Variants in MYO1E observed in about 807,000 individuals in gnomAD.
MYO1E encodes myosin IE.
In MYO1E, 68 loss-of-function variants were observed where a neutral mutation model predicts 151.1. That is an observed-to-expected ratio of 0.45 (90% CI 0.37 to 0.55). The LOEUF (loss-of-function observed/expected upper bound fraction) is 0.55. Among genes scored for constraint, MYO1E ranks in the 20% least tolerant of loss-of-function variants. The pLI is 0.00. For synonymous variants in MYO1E, 601 were observed against 501.7 expected, an observed-to-expected ratio of 1.20 and a Z score of -2.64; for missense variants, 1,363 against 1,389.3, an observed-to-expected ratio of 0.98 and a Z score of 0.30.
chr15:59,218,539 AT>A (rs2079934155), intron 9 of MYO1E, among the ~76,000 whole-genome samples: 1 of 152,234 alleles, frequency 6.6e-6, no homozygotes, highest in African/African-American at 2.4e-5. Flanking sequence ...AGCACCTGAT[AT>A]TACTGAACTA....
At chr15:59,150,445 G>C (rs1303194607) in intron 26 of MYO1E, among the ~76,000 whole-genome samples, 2 of 152,254 alleles carry the variant, frequency 1.3e-5, no homozygotes, top group African/African-American at 4.8e-5. Flanking sequence ...TGATGTGCAA[G>C]TTTGCAACTT....
chr15:59,173,586 T>C (rs1161755644), intron 21 of MYO1E, among the ~76,000 whole-genome samples, 160 bp downstream of exon 21: 4 of 152,234 alleles, frequency 2.6e-5, no homozygotes, highest in Admixed American at 1.3e-4. Context: ...TGAATGTTTC[T>C]GGGCATAGGT....
chr15:59,233,540 T>C (rs568562143), intron 5 of MYO1E, among the ~76,000 whole-genome samples: 4 of 151,716 alleles, frequency 2.6e-5, no homozygotes, highest in Non-Finnish European at 5.9e-5. Flanking sequence ...GGTGCACGCC[T>C]GTAGTCCCAG....
intron 19 of MYO1E, among the ~76,000 whole-genome samples, chr15:59,174,521 G>C (rs140878029): frequency 6.6e-6 from 1 of 152,228 alleles, no homozygotes; most frequent in East Asian, 1.9e-4. Context: ...CAGTCTCTGT[G>C]AGAATCGAAT....
At chr15:59,360,646 T>C (rs530862053) in intron 1 of MYO1E, among the ~76,000 whole-genome samples, 18 of 152,254 alleles carry the variant, frequency 1.2e-4, no homozygotes, top group African/African-American at 4.3e-4. Flanking sequence ...GCCCTTTTTT[T>C]CCCCCAACAA....
At chr15:59,169,749 A>G (rs150062618) in intron 22 of MYO1E, among the ~76,000 whole-genome samples, 1 of 152,294 alleles carries the variant, frequency 6.6e-6, no homozygotes, top group East Asian at 1.9e-4. Context: ...AAGACAATAA[A>G]CAAACAAAAA....
intron 22 of MYO1E, among the ~76,000 whole-genome samples, chr15:59,163,717 A>C (rs1459661555): frequency 8.5e-5 from 13 of 152,328 alleles, no homozygotes; most frequent in African/African-American, 3.1e-4. Context: ...AATTTATGAT[A>C]TGGTTATAGC....
chr15:59,328,059 G>A (rs2080676307), intron 1 of MYO1E, among the ~76,000 whole-genome samples: 1 of 152,226 alleles, frequency 6.6e-6, no homozygotes, highest in Non-Finnish European at 1.5e-5. Context: ...GGAGGAAGTG[G>A]AGGAAAACAC....
intron 1 of MYO1E, among the ~76,000 whole-genome samples, chr15:59,299,220 G>T (rs1229910227): frequency 6.6e-6 from 1 of 152,130 alleles, no homozygotes; most frequent in Non-Finnish European, 1.5e-5. Flanking sequence ...CCATTTTGAC[G>T]GTAAAAGGTT....
intron 4 of MYO1E, among the ~76,000 whole-genome samples, chr15:59,250,033 G>A (rs938701157): frequency 2.6e-5 from 4 of 152,200 alleles, no homozygotes; most frequent in South Asian, 2.1e-4. Context: ...CATGAACCAC[G>A]GCATGCCAGA....
In MYO1E at chr15:59,141,418, A is replaced by G. The variant is rs574961721; in HGVS notation, c.3081-3051T>C. ...ACGTTAAATCACCTCTAGATTACTT[A>G]TAATACTTAATATAATGTAAATGCT... is the stretch of plus-strand genomic sequence containing the variant. On this transcript the variant is annotated intron_variant, in intron 26 of 27. Coordinates refer to ENST00000288235, the MANE Select transcript of MYO1E (RefSeq NM_004998.4). Among the ~76,000 whole-genome samples, 6 of 152,380 alleles carry G rather than the reference A, an allele frequency of 3.9e-5. No homozygotes were observed. The East Asian group carries it at 5.8e-4, about 15-fold the overall frequency.
rs151231242 is a variant in MYO1E, at chr15:59,153,607, C to T, written c.3063G>A (p.Pro1021=). The T allele has an allele frequency of 9.9e-6, 16 of 1,614,122 alleles. No individual in the cohort carries two copies. The East Asian group carries it at 2.0e-4, about 20-fold the overall frequency. The change falls in exon 26 of 28, where the codon CCG becomes CCA. Residue 1021 remains proline, a synonymous_variant. Transcript: ENST00000288235. ...AATCTTACCCTGCAGCTCCCTGGTC[C>T]GGGACCTTGAGGAAATCCAGGCTCT... The part of the protein sequence containing the change: ...TPESLDFLKV[P]DQGAAGVRRQ...
At chr15:59,190,161 G>A (rs559863298) in intron 17 of MYO1E, among the ~76,000 whole-genome samples, 18 of 152,308 alleles carry the variant, frequency 1.2e-4, no homozygotes, top group East Asian at 1.9e-4. Context: ...TGCGTGCTGC[G>A]CGAGCTGGCT....
intron 2 of MYO1E, among the ~76,000 whole-genome samples, chr15:59,266,530 A>G (rs2080254773): frequency 6.6e-6 from 1 of 152,202 alleles, no homozygotes; most frequent in Non-Finnish European, 1.5e-5. Context: ...CATAAAGCTT[A>G]ATTTATTCAA....
intron 1 of MYO1E, among the ~76,000 whole-genome samples, chr15:59,290,011 G>A (rs1298309536): frequency 6.6e-6 from 1 of 152,196 alleles, no homozygotes; most frequent in Non-Finnish European, 1.5e-5. Context: ...CACTTTTCTT[G>A]AGCACCAACC....
rs550969793 is a variant in MYO1E, at chr15:59,250,139, C to CGGTGATGT, written c.332+6137_332+6144dup. Among the ~76,000 whole-genome samples the CGGTGATGT allele has an allele frequency of 3.3e-3, 510 of 152,268 alleles. 2 individuals are homozygous for CGGTGATGT. The highest frequency in any genetic ancestry group is 0.011 in the South Asian group (54 of 4,810). On this transcript the variant is annotated intron_variant, in intron 4 of 27. Transcript: ENST00000288235. The stretch of plus-strand genomic sequence containing the variant: ...CAGGCTTTTGCCCTCGGTGACTGGG[C>CGGTGATGT]GGTGATGTCTATGCCCCTGGAATGT...
At chr15:59,314,028 G>C (rs1404557055) in intron 1 of MYO1E, among the ~76,000 whole-genome samples, 1 of 152,214 alleles carries the variant, frequency 6.6e-6, no homozygotes, top group Non-Finnish European at 1.5e-5. Context: ...CATCATTCAT[G>C]CTTTCAGGCC....
At chr15:59,367,858 G>T (rs1244555808) in intron 1 of MYO1E, among the ~76,000 whole-genome samples, 1 of 152,196 alleles carries the variant, frequency 6.6e-6, no homozygotes. Flanking sequence ...GGTGGCTCAC[G>T]TCTATAATCC....
At position 59,268,718 on chromosome 15, in the gene MYO1E, G is replaced by GTTTTTTTTTTTTTTTTTTTTTTT. The variant is rs1452818863; in HGVS notation, c.147+3587_147+3588insAAAAAAAAAAAAAAAAAAAAAAA. On this transcript the variant is annotated intron_variant, in intron 2 of 27. Coordinates refer to ENST00000288235, the MANE Select transcript of MYO1E (RefSeq NM_004998.4). ...TGGTGATGGGTTCTGGGTGACTTTGGTATTTTTTTTTTTTTTTTTTTTTGC... is the reference window on the plus strand; with the variant it reads ...TGGTGATGGGTTCTGGGTGACTTTGGTTTTTTTTTTTTTTTTTTTTTTTTATTTTTTTTTTTTTTTTTTTTTGC... 2.7e-3 allele frequency among the ~76,000 whole-genome samples: 32 copies of GTTTTTTTTTTTTTTTTTTTTTTT among 12,044 alleles called. 3 individuals carry two copies. Among genetic ancestry groups the GTTTTTTTTTTTTTTTTTTTTTTT allele is most frequent in the African/African-American group, 4.1e-3 (30 of 7,378 alleles). The allele number at this position is 12,044 out of a possible 152,430, so 7.9% of individuals were successfully genotyped here.
Sources: allele counts gnomAD v4.1 joint callset (sites outside exome capture counted in the v4.1 genomes callset), GRCh38; gene constraint gnomAD v4.1.1; transcripts MANE v1.5; gene names NCBI Gene and HGNC (gene_info 2026-07-23, HGNC 2026-07-21).